The following DZANK1 variants were observed in gnomAD, a reference collection of about 807,000 sequenced individuals.
The protein encoded by DZANK1 is double zinc ribbon and ankyrin repeat domains 1.
A neutral mutation model predicts 94.5 loss-of-function variants in DZANK1; 91 were observed. That is an observed-to-expected ratio of 0.96 (90% CI 0.81 to 1.15). DZANK1 has a LOEUF of 1.15. Among genes scored for constraint, DZANK1 ranks in the 50% most tolerant of loss-of-function variants. DZANK1 has a pLI of 0.00. For missense variants in DZANK1, 903 were observed against 916.4 expected (o/e 0.99, Z 0.19); for synonymous variants, 312 against 325.3 (o/e 0.96, Z 0.44).
Position 18,433,785 on chromosome 20 carries a change from G to A in DZANK1, c.748-20C>T, listed in dbSNP as rs117592014. 0.018 allele frequency: 28,794 copies of A among 1,602,326 alleles called. 308 individuals are homozygous for A. Among genetic ancestry groups the A allele is most frequent in the Non-Finnish European group, 0.02 (23,082 of 1,169,668 alleles). On this transcript the variant is annotated intron_variant, in intron 8 of 20. Coordinates refer to ENST00000262547, the Ensembl canonical transcript of DZANK1. Reference sequence around the variant, plus strand: ...GCCCATCTGCACAAGGAAAAGGTCTGGTTTATCTTGCACATAAAAACTGAA... The same window carrying A: ...GCCCATCTGCACAAGGAAAAGGTCTAGTTTATCTTGCACATAAAAACTGAA...
chr20:18,445,099 G>A (rs1440834407), intron 7 of DZANK1, among the ~76,000 whole-genome samples: 1 of 151,962 alleles, frequency 6.6e-6, no homozygotes, highest in African/African-American at 2.4e-5. Flanking sequence ...GAGCCACCGC[G>A]CCCGGCCAGA....
chr20:18,435,181 T>C (rs2058470326), intron 8 of DZANK1, among the ~76,000 whole-genome samples: 1 of 152,172 alleles, frequency 6.6e-6, no homozygotes, highest in Non-Finnish European at 1.5e-5. Flanking sequence ...CACAGATCCA[T>C]CAGCAGGGAG....
At chr20:18,425,319 G>A (rs1024540431) in intron 10 of DZANK1, among the ~76,000 whole-genome samples, 7 of 152,202 alleles carry the variant, frequency 4.6e-5, no homozygotes, top group Non-Finnish European at 1.0e-4. Flanking sequence ...TTGTGGGGCC[G>A]AGTTGGGCGG....
At chr20:18,417,835 C>T (rs1191743341) in intron 10 of DZANK1, among the ~76,000 whole-genome samples, 1 of 152,096 alleles carries the variant, frequency 6.6e-6, no homozygotes, top group Non-Finnish European at 1.5e-5. Context: ...CCTGTAATCC[C>T]AGCACTTTAG....
intron 15 of DZANK1, among the ~76,000 whole-genome samples, chr20:18,395,456 G>A (rs2056287489): frequency 6.6e-6 from 1 of 152,222 alleles, no homozygotes; most frequent in African/African-American, 2.4e-5. Context: ...CATTGGAGGT[G>A]CTGCTGGTGG....
chr20:18,431,875 T>C (rs2058298666), intron 9 of DZANK1, among the ~76,000 whole-genome samples: 2 of 152,256 alleles, frequency 1.3e-5, no homozygotes. Context: ...ATCTCATCTT[T>C]GAATTCATTA....
intron 19 of DZANK1, 85 bp downstream of exon 19, chr20:18,389,616 G>A: frequency 1.9e-6 from 3 of 1,552,596 alleles, no homozygotes; most frequent in Non-Finnish European, 2.6e-6. Context: ...AACAGGGTGT[G>A]TGTGTAGACC....
chr20:18,452,866 A>T, intron 5 of DZANK1, 127 bp from the exon 6 acceptor site: 2 of 974,656 alleles, frequency 2.1e-6, no homozygotes, highest in Non-Finnish European at 2.9e-6. Flanking sequence ...CCTAGAAGTA[A>T]CAATTATATA....
At chr20:18,386,782 G>T (rs2048519985) in intron 19 of DZANK1, among the ~76,000 whole-genome samples, 1 of 152,060 alleles carries the variant, frequency 6.6e-6, no homozygotes, top group Admixed American at 6.6e-5. Context: ...AGAAAGATAA[G>T]ACTTTTTAAA....
intron 10 of DZANK1, among the ~76,000 whole-genome samples, chr20:18,423,228 G>A (rs1202397662): frequency 6.6e-6 from 1 of 152,154 alleles, no homozygotes; most frequent in Non-Finnish European, 1.5e-5. Context: ...TGAAAGTACT[G>A]TACATGCCAT....
chr20:18,425,118 A>C (rs762266056), intron 10 of DZANK1, among the ~76,000 whole-genome samples: 14 of 152,236 alleles, frequency 9.2e-5, no homozygotes, highest in Non-Finnish European at 1.9e-4. Flanking sequence ...ATGGCTATAT[A>C]TAATTACCAA....
intron 7 of DZANK1, 97 bp downstream of exon 7, chr20:18,448,885 AAG>A: frequency 2.1e-6 from 2 of 932,328 alleles, no homozygotes; most frequent in South Asian, 1.6e-5. Context: ...AAAAAAAAAA[AAG>A]TTGGAGGTGG....
chr20:18,408,524 A>G (rs1016174102), intron 13 of DZANK1, among the ~76,000 whole-genome samples: 1 of 152,172 alleles, frequency 6.6e-6, no homozygotes, highest in Non-Finnish European at 1.5e-5. Flanking sequence ...GAGAAGAGAA[A>G]CAAATAACAT....
chr20:18,447,407 C>T (rs554529790), intron 7 of DZANK1, among the ~76,000 whole-genome samples: 275 of 152,296 alleles, frequency 1.8e-3, no homozygotes, highest in African/African-American at 6.0e-3. Flanking sequence ...CTGCAACCTC[C>T]GCCTCCCGGG....
rs867359886 is a variant in DZANK1 at position 18,390,378 on chromosome 20, C to T, written c.1890+1G>A. 4 of 1,613,654 alleles carry T rather than the reference C, an allele frequency of 2.5e-6. No individual in the cohort carries two copies. In the African/African-American group the frequency reaches 4.0e-5, roughly 16 times the overall value. On this transcript the variant is annotated splice_donor_variant, in intron 18 of 20. Coordinates refer to ENST00000262547, the Ensembl canonical transcript of DZANK1. LOFTEE classifies it high-confidence loss of function. Reference sequence around the variant, plus strand: ...AGACTGGCTCCTTTGGCAACACTTACCTCATCCAGCAGCTGTTCAATCACA... The same window carrying T: ...AGACTGGCTCCTTTGGCAACACTTATCTCATCCAGCAGCTGTTCAATCACA...
intron 6 of DZANK1, among the ~76,000 whole-genome samples, chr20:18,450,064 T>G (rs2059040331): frequency 6.7e-6 from 1 of 148,646 alleles, no homozygotes; most frequent in African/African-American, 2.5e-5. Flanking sequence ...GGCAATAGAG[T>G]GAAACTCCGT....
At chr20:18,407,133 G>A (rs2057003309) in intron 13 of DZANK1, among the ~76,000 whole-genome samples, 1 of 152,202 alleles carries the variant, frequency 6.6e-6, no homozygotes, top group South Asian at 2.1e-4. Context: ...TCACCACCTG[G>A]AAGGTTAGGA....
At chr20:18,445,466 T>A (rs2058843994) in intron 7 of DZANK1, among the ~76,000 whole-genome samples, 1 of 152,224 alleles carries the variant, frequency 6.6e-6, no homozygotes. Context: ...AGAGAAGACT[T>A]AAACAATACC....
At chr20:18,466,911 C>T (rs749553611) in intron 1 of DZANK1, 85 bp downstream of exon 1, 10 of 152,874 alleles carry the variant, frequency 6.5e-5, no homozygotes, top group Non-Finnish European at 1.2e-4. Flanking sequence ...CCTCTAGCCG[C>T]CCTCCTCTTC....
Sources: allele counts gnomAD v4.1 joint callset (sites outside exome capture counted in the v4.1 genomes callset), GRCh38; gene constraint gnomAD v4.1.1; transcripts MANE v1.5; gene names NCBI Gene and HGNC (gene_info 2026-07-23, HGNC 2026-07-21).